Variants in SMG1 observed in about 807,000 individuals in gnomAD.
SMG1 encodes the protein serine/threonine-protein kinase SMG1.
Under a neutral mutation model 419.9 loss-of-function variants are expected in SMG1, and 22 were observed. The observed-to-expected ratio is 0.05, with a 90% CI of 0.04 to 0.07. The LOEUF is 0.07. Ranked by LOEUF, SMG1 falls within the 10% of genes least tolerant of loss-of-function variation. The pLI, the probability that SMG1 is intolerant of heterozygous loss-of-function variation, is 1.00. For missense variants in SMG1, 3,185 were observed against 4,342.0 expected (o/e 0.73, Z 7.49); for synonymous variants, 1,538 against 1,553.5 (o/e 0.99, Z 0.23).
chr16:18,853,666 G>A lies in SMG1; in HGVS notation c.4685C>T (p.Ser1562Phe). 2 of 1,613,022 alleles carry A rather than the reference G, an allele frequency of 1.2e-6. No individual in the cohort carries two copies. Among genetic ancestry groups the A allele is most frequent in the Non-Finnish European group, 1.7e-6 (2 of 1,179,444 alleles). Residue 1562 changes from serine to phenylalanine, a missense_variant, in exon 31 of 63, where the codon TCT becomes TTT. Transcript: ENST00000446231. ...QQNFTGLSTL[S>F]KNILTLIELP... ...TTCTATTAGAGTGAGTATGTTTTTAGACAAAGTAGAAAGACCTGTGAAGTT... is the reference window on the plus strand; with the variant it reads ...TTCTATTAGAGTGAGTATGTTTTTAAACAAAGTAGAAAGACCTGTGAAGTT...
At chr16:18,888,781 T>C (rs2036750518) in intron 6 of SMG1, among the ~76,000 whole-genome samples, 1 of 151,122 alleles carries the variant, frequency 6.6e-6, no homozygotes, top group African/African-American at 2.4e-5. Context: ...GAAAAAAATC[T>C]TAAAACTAAC....
chr16:18,835,258 G>GT, intron 48 of SMG1, 94 bp from the exon 49 acceptor site: 1 of 1,267,666 alleles, frequency 7.9e-7, no homozygotes. Flanking sequence ...AACTTGAAGA[G>GT]TAGAAATCAT....
At chr16:18,856,238 C>T (rs1356569514) in intron 29 of SMG1, 3 of 151,782 alleles carry the variant, frequency 2.0e-5, no homozygotes, top group African/African-American at 7.3e-5. Flanking sequence ...TCATAGCTCG[C>T]TGCAGCCTTC....
chr16:18,840,466 T>C (rs1363239253), intron 41 of SMG1, among the ~76,000 whole-genome samples: 1 of 152,210 alleles, frequency 6.6e-6, no homozygotes, highest in Non-Finnish European at 1.5e-5. Context: ...ACTCATGCTC[T>C]TTTCCCCTAC....
chr16:18,914,508 C>A (rs2141985081), intron 1 of SMG1, among the ~76,000 whole-genome samples: 1 of 151,886 alleles, frequency 6.6e-6, no homozygotes, highest in Non-Finnish European at 1.5e-5. Context: ...GACGGTGAAA[C>A]CCCATCTCTA....
At chr16:18,850,782 C>T (rs2034548089) in intron 33 of SMG1, among the ~76,000 whole-genome samples, 1 of 152,246 alleles carries the variant, frequency 6.6e-6, no homozygotes, top group Admixed American at 6.5e-5. Flanking sequence ...GACAAAGTCT[C>T]ACTCTGTCAC....
chr16:18,832,511 T>C (rs1331140873), intron 51 of SMG1, among the ~76,000 whole-genome samples: 1 of 152,182 alleles, frequency 6.6e-6, no homozygotes, highest in East Asian at 1.9e-4. Flanking sequence ...TGTTCGACTG[T>C]GTGTATGTAC....
chr16:18,903,999 G>A (rs559563412), intron 1 of SMG1, among the ~76,000 whole-genome samples: 16 of 140,298 alleles, frequency 1.1e-4, no homozygotes, highest in East Asian at 8.2e-4. Flanking sequence ...GTGCGGTGAC[G>A]TGATCTCGAC....
intron 1 of SMG1, among the ~76,000 whole-genome samples, chr16:18,922,630 A>AATTTATTT (rs1043480537): frequency 1.3e-5 from 2 of 151,900 alleles, no homozygotes; most frequent in Non-Finnish European, 2.9e-5. Context: ...ATATCCCGCT[A>AATTTATTT]ATTTATTTAT....
In SMG1 at chr16:18,892,203, A is replaced by C; in HGVS notation, c.549+15T>G. ...AACACAAAAATCCTCATATTTCCAA[A>C]CATACTATACTTACCAGCTTATTTT... On this transcript the variant is annotated intron_variant, in intron 4 of 62. Coordinates refer to ENST00000446231, the MANE Select transcript of SMG1 (RefSeq NM_015092.5). The C allele has an allele frequency of 6.7e-7, 1 of 1,502,454 alleles. No individual in the cohort carries two copies. Among genetic ancestry groups the C allele is most frequent in the South Asian group, 1.2e-5 (1 of 83,020 alleles). 93.1% of individuals were successfully genotyped at this position (1,502,454 alleles called of 1,614,324 possible).
intron 9 of SMG1, among the ~76,000 whole-genome samples, chr16:18,883,205 A>G (rs1489550868): frequency 6.7e-6 from 1 of 150,330 alleles, no homozygotes; most frequent in East Asian, 1.9e-4. Flanking sequence ...GAGAAACACA[A>G]AGAGATTCAG....
intron 29 of SMG1, chr16:18,857,478 T>C (rs1379186443): frequency 6.6e-6 from 1 of 152,116 alleles, no homozygotes; most frequent in Non-Finnish European, 1.5e-5. Context: ...GAACAAACAT[T>C]TGCAAACTAA....
intron 46 of SMG1, among the ~76,000 whole-genome samples, chr16:18,836,871 AG>A (rs1298283992): frequency 6.6e-6 from 1 of 152,210 alleles, no homozygotes; most frequent in Non-Finnish European, 1.5e-5. Flanking sequence ...GCTGTGTATA[AG>A]GTTCTTTCAG....
At chr16:18,835,884 A>AC (rs1416771603) in intron 48 of SMG1, 49 bp downstream of exon 48, 33 of 1,519,154 alleles carry the variant, frequency 2.2e-5, no homozygotes, top group Admixed American at 1.0e-4. Flanking sequence ...GGGTGACAGA[A>AC]CAAGACTCCG....
chr16:18,866,898 T>A, intron 22 of SMG1, 123 bp from the exon 23 acceptor site: 2 of 662,186 alleles, frequency 3.0e-6, no homozygotes, highest in South Asian at 3.9e-5. Flanking sequence ...ATTTTCACAA[T>A]TTTCACATTA....
intron 39 of SMG1, among the ~76,000 whole-genome samples, chr16:18,844,483 A>T (rs2034129888): frequency 2.0e-5 from 1 of 49,844 alleles, no homozygotes; most frequent in Non-Finnish European, 3.3e-5. Flanking sequence ...CTACACACAC[A>T]CACACACACA....
chr16:18,834,080 CTT>C, intron 50 of SMG1, 122 bp downstream of exon 50: 1 of 710,356 alleles, frequency 1.4e-6, no homozygotes, highest in Non-Finnish European at 2.3e-6. Flanking sequence ...AATTATCTTC[CTT>C]TTAAATGACT....
At chr16:18,883,895 G>A (rs536702745) in intron 9 of SMG1, among the ~76,000 whole-genome samples, 175 bp downstream of exon 9, 5 of 150,028 alleles carry the variant, frequency 3.3e-5, no homozygotes, top group South Asian at 2.1e-4. Flanking sequence ...CTCCAGCCTG[G>A]GTGACAGAGC....
chr16:18,845,371 G>T, intron 39 of SMG1, 58 bp downstream of exon 39: 1 of 1,420,858 alleles, frequency 7.0e-7, no homozygotes, highest in Non-Finnish European at 9.7e-7. Context: ...TTGAAATTTC[G>T]TATCTCATGG....
Sources: gnomAD v4.1 joint callset for allele counts (sites outside exome capture counted in the v4.1 genomes callset) on GRCh38, gnomAD v4.1.1 for gene constraint, MANE v1.5 for transcripts, NCBI Gene and HGNC (gene_info 2026-07-23, HGNC 2026-07-21) for gene names.